Variants in TGFBRAP1 observed in about 807,000 individuals in gnomAD.
TGFBRAP1 encodes transforming growth factor beta receptor associated protein 1.
In TGFBRAP1, 20 loss-of-function variants were observed where a neutral mutation model predicts 83.2. The observed-to-expected ratio is 0.24, with a 90% confidence interval of 0.17 to 0.35. The LOEUF (loss-of-function observed/expected upper bound fraction) is 0.35. Among genes scored for constraint, TGFBRAP1 ranks in the 10% least tolerant of loss-of-function variants. The pLI, the probability that TGFBRAP1 is intolerant of heterozygous loss-of-function variation, is 1.00. For missense variants in TGFBRAP1, 950 were observed against 1,099.4 expected (o/e 0.86, Z 1.92); for synonymous variants, 415 against 459.8 (o/e 0.90, Z 1.25).
chr2:105,316,319 G>A (rs1201703316), intron 1 of TGFBRAP1, among the ~76,000 whole-genome samples: 12 of 145,268 alleles, frequency 8.3e-5, no homozygotes, highest in African/African-American at 2.8e-4. Flanking sequence ...GTATTTTACT[G>A]TATGCAAATT....
chr2:105,324,416 C>G (rs1679162664), intron 1 of TGFBRAP1: 1 of 152,148 alleles, frequency 6.6e-6, no homozygotes, highest in Non-Finnish European at 1.5e-5. Flanking sequence ...GGAAAGGAAA[C>G]AGTCATAAGA....
chr2:105,315,190 T>A, intron 1 of TGFBRAP1, among the ~76,000 whole-genome samples: 1 of 152,242 alleles, frequency 6.6e-6, no homozygotes, highest in Admixed American at 6.5e-5. Context: ...ATATTTAAGA[T>A]CCTTATGGAT....
chr2:105,300,178 A>T (rs2576750), intron 2 of TGFBRAP1, among the ~76,000 whole-genome samples: 109,558 of 151,976 alleles, frequency 0.72, 39,726 homozygotes, highest in East Asian at 0.82. Context: ...GTTTAAGACT[A>T]TAAACCTCTG....
chr2:105,322,934 T>C (rs768891615), intron 1 of TGFBRAP1, among the ~76,000 whole-genome samples: 2 of 152,140 alleles, frequency 1.3e-5, no homozygotes, highest in East Asian at 3.9e-4. Context: ...AGACAGAGCT[T>C]GGCACACTTC....
intron 4 of TGFBRAP1, among the ~76,000 whole-genome samples, chr2:105,287,492 C>T (rs1421554175): frequency 1.3e-5 from 2 of 152,078 alleles, no homozygotes; most frequent in Admixed American, 1.3e-4. Context: ...AGGTGAAACG[C>T]TCTAAAATCA....
chr2:105,280,263 G>T, intron 6 of TGFBRAP1, 119 bp downstream of exon 6: 2 of 1,070,000 alleles, frequency 1.9e-6, no homozygotes, highest in African/African-American at 3.2e-5. Context: ...TCACCTATAG[G>T]TACTTGGGAA....
downstream of TGFBRAP1, among the ~76,000 whole-genome samples, chr2:105,263,593 G>A (rs1400794831): frequency 2.6e-5 from 3 of 115,788 alleles, no homozygotes; most frequent in Non-Finnish European, 6.7e-5. Context: ...AGAATACTCG[G>A]GGGGCCAAGC....
the TGFBRAP1 span, among the ~76,000 whole-genome samples, chr2:105,253,423 G>A: frequency 8.7e-3 from 1,321 of 152,142 alleles, 15 homozygotes; most frequent in African/African-American, 0.023. Context: ...GTGAGCCACC[G>A]CGCCTGGCCT....
chr2:105,290,591 G>C (rs552399708), intron 4 of TGFBRAP1, among the ~76,000 whole-genome samples: 92 of 150,616 alleles, frequency 6.1e-4, no homozygotes, highest in African/African-American at 2.2e-3. Context: ...GAGAGAAAGA[G>C]AGAGAAAGAG....
At chr2:105,315,943 G>A (rs774840370) in intron 1 of TGFBRAP1, among the ~76,000 whole-genome samples, 1 of 152,118 alleles carries the variant, frequency 6.6e-6, no homozygotes, top group Non-Finnish European at 1.5e-5. Context: ...AAAAGGGAAC[G>A]GCTCAGTTTT....
chr2:105,309,629 G>A (rs1406549398), intron 1 of TGFBRAP1, among the ~76,000 whole-genome samples: 1 of 152,182 alleles, frequency 6.6e-6, no homozygotes, highest in Non-Finnish European at 1.5e-5. Context: ...ACACAAGTGA[G>A]ACTCCAGCCC....
chr2:105,257,097 G>T, the TGFBRAP1 span, among the ~76,000 whole-genome samples: 1 of 152,170 alleles, frequency 6.6e-6, no homozygotes, highest in Non-Finnish European at 1.5e-5. Context: ...CTGCTCTATG[G>T]AGTAACCATT....
chr2:105,304,145 G>C (rs995056143), intron 2 of TGFBRAP1, among the ~76,000 whole-genome samples: 1 of 152,142 alleles, frequency 6.6e-6, no homozygotes, highest in African/African-American at 2.4e-5. Flanking sequence ...AGGAATTACT[G>C]TCAGGTTTTT....
chr2:105,296,177 C>T (rs557674732), intron 4 of TGFBRAP1, among the ~76,000 whole-genome samples, 179 bp downstream of exon 4: 7 of 151,372 alleles, frequency 4.6e-5, no homozygotes, highest in South Asian at 4.2e-4. Flanking sequence ...GCTGTTTGAC[C>T]GCCCTAAAGC....
chr2:105,311,076 A>G (rs1348912905), intron 1 of TGFBRAP1, among the ~76,000 whole-genome samples: 1 of 151,998 alleles, frequency 6.6e-6, no homozygotes, highest in Non-Finnish European at 1.5e-5. Flanking sequence ...TATTATAGAA[A>G]GAATCAAACG....
chr2:105,295,450 C>A (rs1393103407), intron 4 of TGFBRAP1, among the ~76,000 whole-genome samples: 2 of 152,110 alleles, frequency 1.3e-5, no homozygotes, highest in Non-Finnish European at 1.5e-5. Flanking sequence ...TTTTAGGAGA[C>A]CCGATTTATA....
intron 4 of TGFBRAP1, among the ~76,000 whole-genome samples, chr2:105,295,732 A>C (rs1573191441): frequency 6.8e-6 from 1 of 147,252 alleles, no homozygotes; most frequent in South Asian, 2.1e-4. Context: ...AATCGCTTGA[A>C]CTCGGGAGGC....
downstream of TGFBRAP1, among the ~76,000 whole-genome samples, chr2:105,259,944 C>T (rs532483665): frequency 1.7e-3 from 258 of 152,108 alleles, no homozygotes; most frequent in Non-Finnish European, 2.6e-3. Context: ...AATAAGCAGA[C>T]GACTGTTAGA....
chr2:105,317,764 G>C lies in TGFBRAP1; in HGVS notation c.-17-9446C>G, dbSNP rs116707493. 4.7e-3 allele frequency among the ~76,000 whole-genome samples: 713 copies of C among 152,214 alleles called. 2 individuals are homozygous for C. The highest frequency in any genetic ancestry group is 0.016 in the African/African-American group (664 of 41,520). On this transcript the variant is annotated intron_variant, in intron 1 of 11. Coordinates refer to ENST00000393359, the MANE Select transcript of TGFBRAP1 (RefSeq NM_004257.6). ...ATCATGTATCTGACTAGAAACATCT[G>C]GATGATGTGGGAACTCCTGCAGCAA...
Sources: allele counts gnomAD v4.1 joint callset (sites outside exome capture counted in the v4.1 genomes callset), GRCh38; gene constraint gnomAD v4.1.1; transcripts MANE v1.5; gene names NCBI Gene and HGNC (gene_info 2026-07-23, HGNC 2026-07-21).